Variants in MSRA observed in about 807,000 individuals in gnomAD.
MSRA encodes mitochondrial peptide methionine sulfoxide reductase.
MSRA carries 54 observed loss-of-function variants against 31.3 expected under a neutral mutation model. That is an observed-to-expected ratio of 1.73 (90% CI 1.39 to 2.17). The LOEUF (loss-of-function observed/expected upper bound fraction) is 2.17. Ranked by LOEUF, MSRA falls within the 30% of genes most tolerant of loss-of-function variation. The pLI, the probability that MSRA is intolerant of heterozygous loss-of-function variation, is 0.00. For synonymous variants in MSRA, 169 were observed against 116.5 expected, an observed-to-expected ratio of 1.45 and a Z score of -2.90; for missense variants, 507 against 300.9, an observed-to-expected ratio of 1.69 and a Z score of -5.07.
intron 5 of MSRA, among the ~76,000 whole-genome samples, chr8:10,391,739 G>T (rs979130031): frequency 1.3e-5 from 2 of 152,200 alleles, no homozygotes; most frequent in African/African-American, 4.8e-5. Context: ...CTGCCCTGCC[G>T]TAGGGTCCAA....
At chr8:10,283,104 C>T (rs192155966) in intron 3 of MSRA, among the ~76,000 whole-genome samples, 3 of 149,690 alleles carry the variant, frequency 2.0e-5, no homozygotes, top group Non-Finnish European at 3.0e-5. Context: ...TAGGTGCAGA[C>T]ACATCATATT....
intron 2 of MSRA, among the ~76,000 whole-genome samples, chr8:10,241,620 A>G (rs1812421433): frequency 6.6e-6 from 1 of 152,200 alleles, no homozygotes; most frequent in Non-Finnish European, 1.5e-5. Context: ...AAGTGATAGA[A>G]TTAGAAGATC....
At chr8:10,095,470 T>C (rs1196789602) in intron 1 of MSRA, 3 of 985,302 alleles carry the variant, frequency 3.0e-6, no homozygotes, top group Non-Finnish European at 3.6e-6. Flanking sequence ...AGGACATCTT[T>C]TGGAGACAAG....
At chr8:10,221,677 G>A (rs73532770) in intron 2 of MSRA, among the ~76,000 whole-genome samples, 1 of 152,298 alleles carries the variant, frequency 6.6e-6, no homozygotes, top group African/African-American at 2.4e-5. Flanking sequence ...AGATAAATAT[G>A]TAAAGCATAT....
chr8:10,061,918 G>A (rs1797212647), intron 1 of MSRA, among the ~76,000 whole-genome samples: 1 of 152,210 alleles, frequency 6.6e-6, no homozygotes, highest in Non-Finnish European at 1.5e-5. Context: ...TGGGGAAGAG[G>A]TCATTAAGCT....
chr8:10,426,988 G>C (rs1277646578), intron 5 of MSRA, among the ~76,000 whole-genome samples: 1 of 3,222 alleles, frequency 3.1e-4, no homozygotes, highest in Admixed American at 2.9e-3. Context: ...CCTTCTGCTG[G>C]CTCAGACGGC....
intron 5 of MSRA, among the ~76,000 whole-genome samples, chr8:10,370,400 C>T (rs62490346): frequency 0.12 from 18,717 of 152,174 alleles, 1,341 homozygotes; most frequent in East Asian, 0.27. Flanking sequence ...TACGGGCGGC[C>T]AGTGAAGAAA....
intron 1 of MSRA, among the ~76,000 whole-genome samples, chr8:10,173,492 G>A (rs1255146689): frequency 1.3e-5 from 2 of 152,188 alleles, no homozygotes; most frequent in African/African-American, 4.8e-5. Flanking sequence ...TTCTTTCCGT[G>A]AATCCTGAAC....
chr8:10,197,549 A>T (rs1327601379), intron 1 of MSRA, among the ~76,000 whole-genome samples: 1 of 152,132 alleles, frequency 6.6e-6, no homozygotes, highest in African/African-American at 2.4e-5. Flanking sequence ...TTCCGTCTGT[A>T]TCACCACCAG....
chr8:10,372,386 T>G (rs1805528629), intron 5 of MSRA, among the ~76,000 whole-genome samples: 1 of 152,256 alleles, frequency 6.6e-6, no homozygotes, highest in Non-Finnish European at 1.5e-5. Context: ...AACAGATTCC[T>G]TCTGCATGTG....
chr8:10,136,077 C>T (rs907291719), intron 1 of MSRA, among the ~76,000 whole-genome samples: 10 of 152,154 alleles, frequency 6.6e-5, no homozygotes, highest in African/African-American at 2.4e-4. Flanking sequence ...ATCTGGAACA[C>T]TGTATTCTAT....
chr8:10,056,671 A>G (rs142905468), intron 1 of MSRA, among the ~76,000 whole-genome samples: 5 of 152,274 alleles, frequency 3.3e-5, no homozygotes, highest in Non-Finnish European at 5.9e-5. Context: ...AGGTTGCTGA[A>G]AGCCCTGACT....
intron 1 of MSRA, among the ~76,000 whole-genome samples, chr8:10,131,532 C>CA (rs1360692059): frequency 6.6e-6 from 1 of 152,192 alleles, no homozygotes; most frequent in East Asian, 1.9e-4. Context: ...CGTAGGTGTA[C>CA]ACTCCTGACC....
At chr8:10,061,495 C>G (rs987551118) in intron 1 of MSRA, among the ~76,000 whole-genome samples, 1 of 152,022 alleles carries the variant, frequency 6.6e-6, no homozygotes, top group African/African-American at 2.4e-5. Context: ...TGGCATCTTG[C>G]GTTGCTAATT....
At chr8:10,094,493 G>C (rs1799020390) in intron 1 of MSRA, among the ~76,000 whole-genome samples, 1 of 152,220 alleles carries the variant, frequency 6.6e-6, no homozygotes, top group South Asian at 2.1e-4. Context: ...TGGAAGCAAA[G>C]AATAGGAAGT....
chr8:10,267,903 G>C (rs1393497448), intron 3 of MSRA, among the ~76,000 whole-genome samples: 1 of 152,090 alleles, frequency 6.6e-6, no homozygotes, highest in Non-Finnish European at 1.5e-5. Flanking sequence ...ATGAAAACTG[G>C]CTTTACCTTC....
intron 2 of MSRA, among the ~76,000 whole-genome samples, chr8:10,223,127 A>C (rs1810674961): frequency 6.6e-6 from 1 of 152,258 alleles, no homozygotes; most frequent in Non-Finnish European, 1.5e-5. Context: ...CTAGCAAAAC[A>C]CAGATACACG....
At chr8:10,351,720 G>A (rs531316683) in intron 5 of MSRA, among the ~76,000 whole-genome samples, 1 of 152,330 alleles carries the variant, frequency 6.6e-6, no homozygotes, top group East Asian at 1.9e-4. Flanking sequence ...TTCAAAGATG[G>A]TTATCCACAG....
At chr8:10,215,792 AT>A in intron 2 of MSRA, among the ~76,000 whole-genome samples, 1 of 152,256 alleles carries the variant, frequency 6.6e-6, no homozygotes, top group African/African-American at 2.4e-5. Flanking sequence ...GATGTGGCTA[AT>A]TTTTTCACTT....
Sources: gnomAD v4.1 joint callset for allele counts (sites outside exome capture counted in the v4.1 genomes callset) on GRCh38, gnomAD v4.1.1 for gene constraint, MANE v1.5 for transcripts, NCBI Gene and HGNC (gene_info 2026-07-23, HGNC 2026-07-21) for gene names.